OSMR: variants seen among roughly 807,000 people sequenced by gnomAD.
The protein encoded by OSMR is oncostatin-M-specific receptor subunit beta.
OSMR carries 81 observed loss-of-function variants against 99.9 expected under a neutral mutation model. The ratio of observed to expected loss-of-function variants is 0.81; its 90% confidence interval spans 0.68 to 0.97. The LOEUF is 0.97. Among genes scored for constraint, OSMR ranks in the 50% least tolerant of loss-of-function variants. The probability of loss-of-function intolerance (pLI) is 0.00; values close to 1 mark genes in which losing one functional copy is unlikely to be tolerated. For synonymous variants in OSMR, 406 were observed against 410.4 expected (o/e 0.99, Z 0.13); for missense variants, 1,099 against 1,153.4 (o/e 0.95, Z 0.68).
chr5:38,904,216 C>A, intron 8 of OSMR, 137 bp from the exon 9 acceptor site: 1 of 1,524,100 alleles, frequency 6.6e-7, no homozygotes, highest in Non-Finnish European at 8.8e-7. Flanking sequence ...GATTTTTTTC[C>A]CCCCAAAGAA....
At chr5:38,931,639 G>A (rs551546351) in intron 15 of OSMR, 16 of 226,768 alleles carry the variant, frequency 7.1e-5, no homozygotes, top group Admixed American at 3.9e-4. Flanking sequence ...CAATCTATCA[G>A]AAGAGATAGA....
rs1179795357 is a variant in OSMR at position 38,869,118 on chromosome 5, G to A, written c.73+1G>A. On this transcript the variant is annotated splice_donor_variant, in intron 2 of 17. Coordinates refer to ENST00000274276, the MANE Select transcript of OSMR (RefSeq NM_003999.3). LOFTEE classifies it high-confidence loss of function. ...TCCTTGAGGACTTACCAGAGTGAAG[G>A]TAAGAAGTGGAAGGAACAGTAAAGA... 4 of 1,603,622 alleles carry A rather than the reference G, an allele frequency of 2.5e-6. No individual in the cohort carries two copies. Among genetic ancestry groups the A allele is most frequent in the Non-Finnish European group, 3.4e-6 (4 of 1,170,510 alleles).
At chr5:38,940,850 C>CA (rs1044239324) in intron 1 of OSMR, 2 of 231,904 alleles carry the variant, frequency 8.6e-6, no homozygotes, top group Non-Finnish European at 1.7e-5. Flanking sequence ...AAGCCCATTA[C>CA]AAAAAGGATC....
At chr5:38,866,513 C>T (rs976892973) in intron 1 of OSMR, among the ~76,000 whole-genome samples, 7 of 152,076 alleles carry the variant, frequency 4.6e-5, no homozygotes, top group Admixed American at 2.0e-4. Flanking sequence ...CCAGTTGTTC[C>T]CCCGGGTATA....
chr5:38,864,700 A>G (rs1008045834), intron 1 of OSMR, among the ~76,000 whole-genome samples: 1 of 151,782 alleles, frequency 6.6e-6, no homozygotes, highest in South Asian at 2.1e-4. Context: ...CCTGTCTTTG[A>G]CTTTTGACTG....
At chr5:38,848,739 G>T (rs986149816) in intron 1 of OSMR, among the ~76,000 whole-genome samples, 26 of 152,092 alleles carry the variant, frequency 1.7e-4, no homozygotes, top group East Asian at 1.9e-4. Flanking sequence ...TCTTTCCATT[G>T]TCTCTAGATA....
chr5:38,891,652 C>T (rs1213058727), intron 7 of OSMR, among the ~76,000 whole-genome samples: 1 of 152,152 alleles, frequency 6.6e-6, no homozygotes, highest in Non-Finnish European at 1.5e-5. Flanking sequence ...CTGCCCCTGC[C>T]CCAGGCCTCT....
chr5:38,878,659 G>A (rs1561357980), intron 3 of OSMR, among the ~76,000 whole-genome samples: 1 of 152,134 alleles, frequency 6.6e-6, no homozygotes, highest in African/African-American at 2.4e-5. Flanking sequence ...GTGTAAATGT[G>A]TGTGCCAATT....
intron 7 of OSMR, among the ~76,000 whole-genome samples, chr5:38,899,839 T>G (rs357268): frequency 0.7 from 105,659 of 151,968 alleles, 37,642 homozygotes; most frequent in African/African-American, 0.86. Flanking sequence ...GAAGGAAAGG[T>G]TTTCTTTTGG....
intron 1 of OSMR, among the ~76,000 whole-genome samples, chr5:38,852,892 G>T (rs550719850): frequency 6.6e-6 from 1 of 151,410 alleles, no homozygotes; most frequent in Non-Finnish European, 1.5e-5. Flanking sequence ...CACCACGCCC[G>T]GCTAATTTTT....
chr5:38,921,892 G>A (rs1561406032), intron 12 of OSMR, 98 bp downstream of exon 12: 1 of 1,056,748 alleles, frequency 9.5e-7, no homozygotes, highest in Non-Finnish European at 1.5e-6. Context: ...ACTGTGCTAA[G>A]CTAGTAATTT....
At chr5:38,861,916 C>CG (rs1459448883) in intron 1 of OSMR, among the ~76,000 whole-genome samples, 1 of 132,720 alleles carries the variant, frequency 7.5e-6, no homozygotes, top group Non-Finnish European at 1.6e-5. Context: ...GCTGGCCGGG[C>CG]GGGGGGCTGA....
chr5:38,922,329 G>A (rs1373483091), intron 12 of OSMR, among the ~76,000 whole-genome samples: 1 of 152,130 alleles, frequency 6.6e-6, no homozygotes, highest in Non-Finnish European at 1.5e-5. Context: ...GGAAAGGTGT[G>A]GGAAATGTCC....
intron 3 of OSMR, among the ~76,000 whole-genome samples, chr5:38,879,773 A>G (rs1475705935): frequency 2.0e-5 from 3 of 151,912 alleles, no homozygotes; most frequent in Non-Finnish European, 4.4e-5. Context: ...ACAGGCACGC[A>G]CTACCACATC....
chr5:38,936,030 T>G (rs1166379032), downstream of OSMR, among the ~76,000 whole-genome samples: 2 of 152,214 alleles, frequency 1.3e-5, no homozygotes, highest in African/African-American at 4.8e-5. Context: ...CAATACTATA[T>G]GCCATCTTAA....
chr5:38,847,902 C>T (rs1740006308), intron 1 of OSMR, among the ~76,000 whole-genome samples: 1 of 152,148 alleles, frequency 6.6e-6, no homozygotes, highest in African/African-American at 2.4e-5. Flanking sequence ...GGACCCGAGC[C>T]GCATTGGGGA....
At chr5:38,940,374 G>A, downstream of OSMR, 1 of 231,690 alleles carries the variant, frequency 4.3e-6, no homozygotes, top group Non-Finnish European at 8.6e-6. Flanking sequence ...ATCCCATTAT[G>A]AATAAGATTA....
At chr5:38,872,821 T>C (rs1446605123) in intron 2 of OSMR, among the ~76,000 whole-genome samples, 5 of 152,296 alleles carry the variant, frequency 3.3e-5, no homozygotes, top group Non-Finnish European at 7.4e-5. Flanking sequence ...CATGTTCCAA[T>C]ACATTTTTAA....
intron 2 of OSMR, among the ~76,000 whole-genome samples, chr5:38,870,330 CTTTTTTT>C (rs374861159): frequency 8.7e-6 from 1 of 115,140 alleles, no homozygotes; most frequent in Non-Finnish European, 1.7e-5. Context: ...GAATGATTTT[CTTTTTTT>C]TTTTTTTTTT....
Sources: allele counts gnomAD v4.1 joint callset (sites outside exome capture counted in the v4.1 genomes callset), GRCh38; gene constraint gnomAD v4.1.1; transcripts MANE v1.5; gene names NCBI Gene and HGNC (gene_info 2026-07-23, HGNC 2026-07-21).